Variants in ARSD observed in about 807,000 individuals in gnomAD.
ARSD encodes arylsulfatase D, also known as testis tissue sperm-binding protein Li 39a.
Under a neutral mutation model 32.6 loss-of-function variants are expected in ARSD, and 21 were observed. The observed-to-expected ratio is 0.64, with a 90% CI of 0.46 to 0.93. The LOEUF (loss-of-function observed/expected upper bound fraction) is 0.93, where lower values mean the gene tolerates loss of function less well. Ranked by LOEUF, ARSD falls within the 40% of genes least tolerant of loss-of-function variation. ARSD has a pLI of 0.00. For synonymous variants in ARSD, 224 were observed against 237.4 expected, an observed-to-expected ratio of 0.94 and a Z score of 0.52; for missense variants, 454 against 520.9, an observed-to-expected ratio of 0.87 and a Z score of 1.25.
Position 2,925,641 on chromosome X carries a change from C to T in ARSD, c.169G>A (p.Gly57Ser), listed in dbSNP as rs372974638. The part of the protein sequence containing the change: ...MADDLGTGDL[G>S]CYGNNTLRTP... ...CTCAGTGTATTGTTCCCGTAGCAAC[C>T]GAGATCCCCAGTGCCTAGATCATCC... The change falls in exon 2 of 10, where the codon GGT (glycine) becomes AGT (serine). Residue 57 changes from glycine (G) to serine (S), a missense_variant. Gly to Ser is a moderately conservative substitution (Grantham distance 56). Around this residue, in one of 3 missense-constraint regions of ARSD, gnomAD observed 271 missense variants for 301.0 expected, o/e 0.90. Coordinates refer to ENST00000381154, the MANE Select transcript of ARSD (RefSeq NM_001669.4). 46 of 1,208,375 alleles carry T rather than the reference C, an allele frequency of 3.8e-5. No homozygotes were observed. The highest frequency in any genetic ancestry group is 5.0e-5 in the Non-Finnish European group (45 of 894,744).
intron 1 of ARSD, among the ~76,000 whole-genome samples, chrX:2,927,375 T>C (rs777141250): frequency 9.0e-6 from 1 of 111,069 alleles, no homozygotes; most frequent in Non-Finnish European, 1.9e-5. Flanking sequence ...TTCTCCTGTC[T>C]CAGCCTCCTG....
chrX:2,918,814 G>A (rs1259147280), intron 4 of ARSD, among the ~76,000 whole-genome samples: 2 of 111,759 alleles, frequency 1.8e-5, no homozygotes, highest in Non-Finnish European at 3.8e-5. Context: ...CACCCTCAGA[G>A]TAGGAGACAC....
At chrX:2,918,516 C>T (rs2147321577) in intron 4 of ARSD, among the ~76,000 whole-genome samples, 1 of 111,554 alleles carries the variant, frequency 9.0e-6, no homozygotes, top group Admixed American at 9.5e-5. Context: ...TTTGGGAGGC[C>T]GAGGCGGGCG....
rs752599005 is a variant in ARSD, at chrX:2,915,600, T to C, written c.956A>G (p.His319Arg). Residue 319 changes from histidine to arginine, a missense_variant, in exon 6 of 10, where the codon CAT becomes CGT. Physicochemically the swap from His to Arg is conservative, Grantham distance 29. This residue lies in a region of ARSD where 271 missense variants were observed against 301.0 expected (regional missense o/e 0.90). Transcript: ENST00000381154. ...TTSAFLGKSQ[H>R]GLYGDNVEEM... ...CTCCACATTATCACCATATAAGCCA[T>C]GCTGACTTTTCCCCAGGAATGCACT... 1 of 1,211,578 alleles carries C rather than the reference T, an allele frequency of 8.3e-7. No individual in the cohort carries two copies. The highest frequency in any genetic ancestry group is 2.2e-5 in the Admixed American group (1 of 46,018).
chrX:2,909,796 G>A (rs2147307569), intron 8 of ARSD, 21 bp downstream of exon 8: 1 of 1,137,787 alleles, frequency 8.8e-7, no homozygotes, highest in East Asian at 3.2e-5. Flanking sequence ...TCAGGGAACA[G>A]GCAGCCTTAT....
chrX:2,924,002 C>G, intron 2 of ARSD, among the ~76,000 whole-genome samples: 1 of 112,218 alleles, frequency 8.9e-6, no homozygotes, highest in East Asian at 2.8e-4. Context: ...TCAGGGTGTT[C>G]GAAAGGGGAT....
At chrX:2,928,047 G>A (rs1379871745) in intron 1 of ARSD, among the ~76,000 whole-genome samples, 1 of 110,957 alleles carries the variant, frequency 9.0e-6, no homozygotes, top group African/African-American at 3.3e-5. Flanking sequence ...TTCTTTGCTG[G>A]GCGTTTTGTC....
chrX:2,914,418 T>TG lies in ARSD; in HGVS notation c.1000+1137dup, dbSNP rs58883920. On this transcript the variant is annotated intron_variant, in intron 6 of 9. Transcript: ENST00000381154. ...TAATTTTTTAAATTTTTTGTAGAGA[T>TG]GGGGGGGGGGGGCGTCTCACTATGT... The TG allele has an allele frequency of 6.5e-3, 1,838 of 284,303 alleles. 2 individuals carry two copies. Among genetic ancestry groups the TG allele is most frequent in the South Asian group, 8.2e-3 (84 of 10,301 alleles). 23.4% of individuals were successfully genotyped at this position (284,303 alleles called of 1,213,427 possible).
intron 2 of ARSD, among the ~76,000 whole-genome samples, chrX:2,923,916 G>A (rs1457393363): frequency 8.0e-5 from 9 of 112,255 alleles, no homozygotes; most frequent in Non-Finnish European, 1.9e-5. Context: ...ACAGCTCCAT[G>A]AATAGAATAA....
chrX:2,919,915 G>A (rs1282377446), intron 4 of ARSD, among the ~76,000 whole-genome samples: 3 of 111,570 alleles, frequency 2.7e-5, no homozygotes, highest in African/African-American at 6.5e-5. Context: ...GCTTCATTCC[G>A]TGTAATTCCC....
At chrX:2,924,465 TAGGAG>T (rs1267344409) in intron 2 of ARSD, among the ~76,000 whole-genome samples, 4 of 113,582 alleles carry the variant, frequency 3.5e-5, no homozygotes, top group Admixed American at 9.3e-5. Context: ...GCGGTCCTTC[TAGGAG>T]AAAAGCCCAC....
At chrX:2,923,004 C>T (rs1452342430) in intron 2 of ARSD, among the ~76,000 whole-genome samples, 3 of 110,986 alleles carry the variant, frequency 2.7e-5, no homozygotes, top group African/African-American at 9.8e-5. Flanking sequence ...AGCCTCCTGA[C>T]ATAAAAGACC....
chrX:2,918,317 A>G, intron 4 of ARSD, 90 bp from the exon 5 acceptor site: 3 of 943,107 alleles, frequency 3.2e-6, no homozygotes, highest in Non-Finnish European at 4.3e-6. Context: ...CGTCGGCAGG[A>G]AAAGAAAAGT....
chrX:2,917,683 G>C (rs1192690516), intron 5 of ARSD, 121 bp downstream of exon 5: 7 of 687,773 alleles, frequency 1.0e-5, no homozygotes, highest in Non-Finnish European at 1.3e-5. Context: ...TGTTGCCCAA[G>C]CTAGTCTAAA....
intron 5 of ARSD, among the ~76,000 whole-genome samples, chrX:2,916,169 T>C (rs2088957971): frequency 1.0e-5 from 1 of 98,046 alleles, no homozygotes; most frequent in South Asian, 4.7e-4. Flanking sequence ...ATTGTATATG[T>C]CCACAATGGA....
chrX:2,915,843 A>C, intron 5 of ARSD, 151 bp from the exon 6 acceptor site: 2 of 522,561 alleles, frequency 3.8e-6, no homozygotes, highest in African/African-American at 2.3e-5. Flanking sequence ...AGAAAGAATA[A>C]ATGGTGGGCC....
chrX:2,925,116 G>T (rs2089069483), intron 2 of ARSD, among the ~76,000 whole-genome samples: 1 of 112,747 alleles, frequency 8.9e-6, no homozygotes, highest in Non-Finnish European at 1.9e-5. Flanking sequence ...AACAGACGTT[G>T]TTTGCAAACG....
Position 2,905,206 on chromosome X carries a change from G to A in ARSD, c.*2065C>T, listed in dbSNP as rs2147301842. 1 of 262,551 alleles carries A rather than the reference G, an allele frequency of 3.8e-6. No individual in the cohort carries two copies. The highest frequency in any genetic ancestry group is 2.9e-5 in the African/African-American group (1 of 34,994). 21.6% of individuals were successfully genotyped at this position (262,551 alleles called of 1,213,427 possible). ...GAAGCTTCCATGCTGAGGTCTGAAGGTGGCTCCCTGCCTCCCACTGATGTC... is the reference window on the plus strand; with the variant it reads ...GAAGCTTCCATGCTGAGGTCTGAAGATGGCTCCCTGCCTCCCACTGATGTC... On this transcript the variant is annotated 3_prime_UTR_variant, in exon 10 of 10. Transcript: ENST00000381154.
intron 6 of ARSD, among the ~76,000 whole-genome samples, chrX:2,911,793 T>C (rs1424254260): frequency 9.0e-6 from 1 of 111,357 alleles, no homozygotes; most frequent in African/African-American, 3.3e-5. Context: ...CCTCCTCCCT[T>C]TGGAATTCAG....
Sources: gnomAD v4.1 joint callset for allele counts (sites outside exome capture counted in the v4.1 genomes callset) on GRCh38, gnomAD v4.1.1 for gene constraint, gnomAD v4.1.1 regional missense constraint, MANE v1.5 for transcripts, NCBI Gene and HGNC (gene_info 2026-07-23, HGNC 2026-07-21) for gene names.